Variants in MAGI2 observed in about 807,000 individuals in gnomAD.
MAGI2 encodes the protein membrane associated guanylate kinase, WW and PDZ domain containing 2.
In MAGI2, 35 loss-of-function variants were observed where a neutral mutation model predicts 133.3. The observed-to-expected ratio is 0.26, with a 90% CI of 0.20 to 0.35. The LOEUF is 0.35. MAGI2 is among the 10% of genes least tolerant of loss of function. The probability of loss-of-function intolerance (pLI) is 1.00; values close to 1 mark genes in which losing one functional copy is unlikely to be tolerated. For synonymous variants in MAGI2, 729 were observed against 710.6 expected, an observed-to-expected ratio of 1.03 and a Z score of -0.41; for missense variants, 1,636 against 1,863.4, an observed-to-expected ratio of 0.88 and a Z score of 2.25.
intron 21 of MAGI2, among the ~76,000 whole-genome samples, chr7:78,064,577 G>A (rs192415398): frequency 1.1e-3 from 170 of 152,270 alleles, no homozygotes; most frequent in Admixed American, 2.9e-3. Context: ...CTTAGCCATG[G>A]TTGTGACAGT....
intron 2 of MAGI2, among the ~76,000 whole-genome samples, chr7:78,647,465 G>C (rs532976478): frequency 1.4e-4 from 22 of 152,278 alleles, no homozygotes; most frequent in Non-Finnish European, 2.1e-4. Flanking sequence ...ATGCCCGTTA[G>C]AATGGTGATC....
At chr7:79,370,990 T>C (rs946399852) in intron 1 of MAGI2, among the ~76,000 whole-genome samples, 2 of 152,072 alleles carry the variant, frequency 1.3e-5, no homozygotes, top group Non-Finnish European at 2.9e-5. Context: ...TATCCTTGTC[T>C]AGTCTAATCA....
intron 2 of MAGI2, among the ~76,000 whole-genome samples, chr7:78,668,989 C>T (rs1233214781): frequency 6.6e-6 from 1 of 151,852 alleles, no homozygotes; most frequent in Non-Finnish European, 1.5e-5. Flanking sequence ...AAATTGATAC[C>T]CTAACATCAC....
intron 6 of MAGI2, among the ~76,000 whole-genome samples, chr7:78,468,088 C>A (rs1334488893): frequency 6.6e-6 from 1 of 152,058 alleles, no homozygotes; most frequent in African/African-American, 2.4e-5. Context: ...ACAAAACAAA[C>A]TTTGGTTTGA....
chr7:79,413,441 T>A (rs536988984), intron 1 of MAGI2: 10 of 152,296 alleles, frequency 6.6e-5, no homozygotes, highest in African/African-American at 2.4e-4. Context: ...CTGATTCATC[T>A]GAGCCCCTTT....
At chr7:78,070,174 C>CATATATATATATATATATAT (rs57714371) in intron 21 of MAGI2, among the ~76,000 whole-genome samples, 1 of 56,658 alleles carries the variant, frequency 1.8e-5, no homozygotes, top group Non-Finnish European at 3.4e-5. Context: ...CACACACACA[C>CATATATATATATATATATAT]ATATATATAT....
At chr7:78,339,376 A>T (rs528630024) in intron 9 of MAGI2, among the ~76,000 whole-genome samples, 1 of 152,226 alleles carries the variant, frequency 6.6e-6, no homozygotes, top group South Asian at 2.1e-4. Context: ...TTGTGGTTGA[A>T]TAAAGCTAAC....
At chr7:78,445,868 A>AT (rs999441504) in intron 6 of MAGI2, among the ~76,000 whole-genome samples, 2 of 151,646 alleles carry the variant, frequency 1.3e-5, no homozygotes, top group Admixed American at 6.6e-5. Context: ...TCTTCATACA[A>AT]TTTTTTTCTT....
intron 10 of MAGI2, among the ~76,000 whole-genome samples, chr7:78,203,945 G>A (rs554033335): frequency 2.6e-5 from 4 of 152,176 alleles, no homozygotes; most frequent in African/African-American, 9.6e-5. Flanking sequence ...TTGTGGGGAT[G>A]GCCCCTCTAG....
chr7:79,451,972 A>T lies in MAGI2; in HGVS notation c.301+1048T>A, dbSNP rs544680430. On this transcript the variant is annotated intron_variant, in intron 1 of 21. Transcript: ENST00000354212. ...CACTCTTCTCTCCTTCTGCACCATA[A>T]TTTTCTTTCGAGCAAAGACAGGGAG... Among the ~76,000 whole-genome samples, 3 of 152,246 alleles carry T rather than the reference A, an allele frequency of 2.0e-5. No homozygotes were observed. In the East Asian group the frequency reaches 5.8e-4, roughly 29 times the overall value.
In MAGI2 at chr7:78,937,968, G is replaced by A. The variant is rs1032172257; in HGVS notation, c.418+69122C>T. Among the ~76,000 whole-genome samples, 40 of 152,172 alleles carry A rather than the reference G, an allele frequency of 2.6e-4. 1 individual carries two copies. The highest frequency in any genetic ancestry group is 2.5e-3 in the Admixed American group (38 of 15,274). Reference sequence around the variant, plus strand: ...ATTTATTATGTTGCAGAGTTTTCAAGAAAATTGATAGAATGATGTGGACGA... The same window carrying A: ...ATTTATTATGTTGCAGAGTTTTCAAAAAAATTGATAGAATGATGTGGACGA... On this transcript the variant is annotated intron_variant, in intron 2 of 21. Coordinates refer to ENST00000354212, the MANE Select transcript of MAGI2 (RefSeq NM_012301.4).
intron 2 of MAGI2, among the ~76,000 whole-genome samples, chr7:78,646,666 G>T (rs1228506298): frequency 2.6e-5 from 4 of 152,106 alleles, no homozygotes; most frequent in African/African-American, 4.8e-5. Context: ...CAATATAATG[G>T]AAGATCCCAT....
intron 2 of MAGI2, among the ~76,000 whole-genome samples, chr7:78,724,874 A>T (rs1176696792): frequency 6.6e-6 from 1 of 152,210 alleles, no homozygotes; most frequent in African/African-American, 2.4e-5. Context: ...GAATCATTGA[A>T]GGAGTGACTT....
intron 2 of MAGI2, among the ~76,000 whole-genome samples, chr7:78,873,806 G>A (rs1208638118): frequency 6.6e-6 from 1 of 152,078 alleles, no homozygotes; most frequent in African/African-American, 2.4e-5. Flanking sequence ...AATTTCTTTT[G>A]GGTGGGTGTG....
At position 78,132,898 on chromosome 7, in the gene MAGI2, T is replaced by C; in HGVS notation, c.3194A>G (p.His1065Arg). 6.2e-7 allele frequency: 1 copy of C among 1,614,108 alleles called. No homozygotes were observed. Among genetic ancestry groups the C allele is most frequent in the Non-Finnish European group, 8.5e-7 (1 of 1,179,984 alleles). Reference protein sequence around the residue: ...APPQPLQLQGHENSYRSEVKA... With the variant: ...APPQPLQLQGRENSYRSEVKA... ...TCAGAGGAAATTTTACCTATTTTCG[T>C]GTCCTTGCAGCTGAAGTGGTTGAGG... The change falls in exon 18 of 22, where the codon CAC (histidine) becomes CGC (arginine). Residue 1065 changes from histidine to arginine, a missense_variant. Physicochemically the swap from His to Arg is conservative, Grantham distance 29. This residue lies in a region of MAGI2 where 920 missense variants were observed against 1,093.5 expected (regional missense o/e 0.84). Coordinates refer to ENST00000354212, the MANE Select transcript of MAGI2 (RefSeq NM_012301.4).
At chr7:79,184,551 A>G (rs1826901441) in intron 1 of MAGI2, among the ~76,000 whole-genome samples, 2 of 151,766 alleles carry the variant, frequency 1.3e-5, no homozygotes, top group Admixed American at 6.6e-5. Flanking sequence ...GCAGTAGAAT[A>G]TTATTAAAGA....
chr7:78,433,402 T>A (rs1203253418), intron 6 of MAGI2, among the ~76,000 whole-genome samples: 1 of 152,088 alleles, frequency 6.6e-6, no homozygotes, highest in Non-Finnish European at 1.5e-5. Flanking sequence ...TCATTGTTCA[T>A]CTTATCTATA....
chr7:79,201,035 C>T (rs1828565869), intron 1 of MAGI2, among the ~76,000 whole-genome samples: 1 of 151,876 alleles, frequency 6.6e-6, no homozygotes, highest in African/African-American at 2.4e-5. Context: ...TTTCGGTCTA[C>T]AAGATAGTGC....
intron 1 of MAGI2, among the ~76,000 whole-genome samples, chr7:79,215,672 C>G (rs1476757047): frequency 2.6e-5 from 4 of 151,912 alleles, no homozygotes; most frequent in Non-Finnish European, 4.4e-5. Context: ...GAGTTGTCCC[C>G]TATTTCTGGA....
Sources: gnomAD v4.1 joint callset for allele counts (sites outside exome capture counted in the v4.1 genomes callset) on GRCh38, gnomAD v4.1.1 for gene constraint, gnomAD v4.1.1 regional missense constraint, MANE v1.5 for transcripts, NCBI Gene and HGNC (gene_info 2026-07-23, HGNC 2026-07-21) for gene names.